FBXL7: variants seen among roughly 807,000 people sequenced by gnomAD.
The protein encoded by FBXL7 is F-box and leucine rich repeat protein 7, also known as F-box/LRR-repeat protein 7.
A neutral mutation model predicts 38.3 loss-of-function variants in FBXL7; 12 were observed. The observed-to-expected ratio is 0.31, with a 90% confidence interval of 0.20 to 0.51. The LOEUF is 0.51. FBXL7 is among the 20% of genes least tolerant of loss of function. FBXL7 has a pLI of 0.98. For missense variants in FBXL7, 567 were observed against 676.4 expected, an observed-to-expected ratio of 0.84 and a Z score of 1.79; for synonymous variants, 297 against 300.9, an observed-to-expected ratio of 0.99 and a Z score of 0.13.
At chr5:15,921,686 C>G (rs1397719574) in intron 2 of FBXL7, among the ~76,000 whole-genome samples, 1 of 152,058 alleles carries the variant, frequency 6.6e-6, no homozygotes, top group Non-Finnish European at 1.5e-5. Context: ...GAGCAAAAGA[C>G]TTAAATAGAA....
chr5:15,879,125 C>T (rs1431439087), intron 2 of FBXL7, among the ~76,000 whole-genome samples: 1 of 152,162 alleles, frequency 6.6e-6, no homozygotes, highest in Non-Finnish European at 1.5e-5. Flanking sequence ...TTAATTTTCA[C>T]TTCTAGAAGT....
At chr5:15,913,631 A>T (rs575704879) in intron 2 of FBXL7, among the ~76,000 whole-genome samples, 1 of 152,224 alleles carries the variant, frequency 6.6e-6, no homozygotes, top group South Asian at 2.1e-4. Flanking sequence ...AAACGTTGGA[A>T]TTTTGTAACT....
intron 1 of FBXL7, among the ~76,000 whole-genome samples, chr5:15,578,132 A>G (rs1243337473): frequency 3.3e-5 from 5 of 152,212 alleles, no homozygotes; most frequent in Non-Finnish European, 7.3e-5. Context: ...GCCATCACCC[A>G]TAACATAAAA....
intron 2 of FBXL7, among the ~76,000 whole-genome samples, chr5:15,922,611 T>G (rs1044913309): frequency 2.6e-5 from 4 of 152,244 alleles, no homozygotes; most frequent in Middle Eastern, 3.4e-3. Flanking sequence ...TTAATTTAAT[T>G]CCAGATAGAA....
At chr5:15,779,408 C>T (rs1736936468) in intron 2 of FBXL7, among the ~76,000 whole-genome samples, 1 of 151,994 alleles carries the variant, frequency 6.6e-6, no homozygotes, top group African/African-American at 2.4e-5. Context: ...CTAATTTGAT[C>T]ATTACATATT....
At chr5:15,823,017 G>A (rs1034793253) in intron 2 of FBXL7, among the ~76,000 whole-genome samples, 7 of 152,012 alleles carry the variant, frequency 4.6e-5, no homozygotes, top group Non-Finnish European at 1.0e-4. Flanking sequence ...CCAGGGCCCC[G>A]CAGTCAATAA....
chr5:15,697,672 C>T (rs766559859), intron 2 of FBXL7, among the ~76,000 whole-genome samples: 1 of 152,066 alleles, frequency 6.6e-6, no homozygotes, highest in Non-Finnish European at 1.5e-5. Context: ...TCTGCACACA[C>T]AAGGCTTCAT....
intron 1 of FBXL7, among the ~76,000 whole-genome samples, chr5:15,571,104 A>AG (rs1554006581): frequency 5.3e-5 from 8 of 151,218 alleles, no homozygotes; most frequent in Non-Finnish European, 7.4e-5. Context: ...AAAAAAAAAA[A>AG]AAAAAAGAAA....
intron 2 of FBXL7, among the ~76,000 whole-genome samples, chr5:15,683,861 G>A (rs1347495013): frequency 2.0e-5 from 3 of 151,966 alleles, no homozygotes; most frequent in Non-Finnish European, 4.4e-5. Flanking sequence ...CTTCTTTCAC[G>A]TTCCCCCTAT....
chr5:15,881,629 T>C (rs1393008721), intron 2 of FBXL7, among the ~76,000 whole-genome samples: 1 of 152,204 alleles, frequency 6.6e-6, no homozygotes, highest in Non-Finnish European at 1.5e-5. Flanking sequence ...GTTATATTAG[T>C]TTACATTCCC....
chr5:15,872,411 C>T (rs1445492182), intron 2 of FBXL7, among the ~76,000 whole-genome samples: 2 of 151,602 alleles, frequency 1.3e-5, no homozygotes, highest in Non-Finnish European at 1.5e-5. Flanking sequence ...TCACACATAA[C>T]AATAACAATA....
intron 2 of FBXL7, among the ~76,000 whole-genome samples, chr5:15,747,789 A>G (rs568081046): frequency 2.0e-5 from 3 of 152,192 alleles, no homozygotes; most frequent in African/African-American, 7.2e-5. Context: ...CCACTTATAA[A>G]TATTACCCCA....
At chr5:15,748,857 T>G (rs1736081390) in intron 2 of FBXL7, among the ~76,000 whole-genome samples, 1 of 152,124 alleles carries the variant, frequency 6.6e-6, no homozygotes, top group South Asian at 2.1e-4. Context: ...CATGTACCAC[T>G]ATACTTGGCT....
chr5:15,929,428 G>C (rs1741979831), intron 3 of FBXL7, among the ~76,000 whole-genome samples: 1 of 152,132 alleles, frequency 6.6e-6, no homozygotes, highest in Non-Finnish European at 1.5e-5. Flanking sequence ...AGACGAGCCT[G>C]AGCAACAAAG....
At chr5:15,665,801 C>T (rs1294029556) in intron 2 of FBXL7, among the ~76,000 whole-genome samples, 1 of 152,130 alleles carries the variant, frequency 6.6e-6, no homozygotes, top group East Asian at 1.9e-4. Flanking sequence ...GTCATTTTTA[C>T]ATATTCCATC....
At chr5:15,514,210 A>G (rs1736873307) in intron 1 of FBXL7, among the ~76,000 whole-genome samples, 1 of 152,224 alleles carries the variant, frequency 6.6e-6, no homozygotes, top group Admixed American at 6.5e-5. Flanking sequence ...AACTAACTGA[A>G]TAATTGTATT....
At chr5:15,927,781 A>AG (rs1165677856) in intron 2 of FBXL7, 109 bp from the exon 3 acceptor site, 3 of 784,694 alleles carry the variant, frequency 3.8e-6, no homozygotes, top group Non-Finnish European at 5.1e-6. Context: ...AAAAAAAAAA[A>AG]AAAAAAGAAG....
chr5:15,936,000 AACC>A (rs1408025687), intron 3 of FBXL7, among the ~76,000 whole-genome samples: 23 of 152,270 alleles, frequency 1.5e-4, no homozygotes, highest in African/African-American at 4.3e-4. Flanking sequence ...GGAGCTTCCA[AACC>A]AGGGCAGCTC....
chr5:15,566,804 C>T (rs1349358158), intron 1 of FBXL7, among the ~76,000 whole-genome samples: 2 of 152,130 alleles, frequency 1.3e-5, no homozygotes, highest in Non-Finnish European at 2.9e-5. Flanking sequence ...TATTTAATGC[C>T]TTTCTGGACC....
Sources: allele counts gnomAD v4.1 joint callset (sites outside exome capture counted in the v4.1 genomes callset), GRCh38; gene constraint gnomAD v4.1.1; transcripts MANE v1.5; gene names NCBI Gene and HGNC (gene_info 2026-07-23, HGNC 2026-07-21).